Variants in CACNA2D1 observed in about 807,000 individuals in gnomAD.
The protein encoded by CACNA2D1 is calcium voltage-gated channel auxiliary subunit alpha2delta 1.
Under a neutral mutation model 171.5 loss-of-function variants are expected in CACNA2D1, and 53 were observed. The ratio of observed to expected loss-of-function variants is 0.31; its 90% CI spans 0.25 to 0.39. CACNA2D1 has a LOEUF of 0.39. Among genes scored for constraint, CACNA2D1 ranks in the 10% least tolerant of loss-of-function variants. The pLI, the probability that CACNA2D1 is intolerant of heterozygous loss-of-function variation, is 1.00. For synonymous variants in CACNA2D1, 442 were observed against 443.1 expected (o/e 1.00, Z 0.03); for missense variants, 903 against 1,299.8 (o/e 0.69, Z 4.69).
intron 5 of CACNA2D1, among the ~76,000 whole-genome samples, chr7:82,132,433 C>T (rs1048925903): frequency 8.5e-5 from 13 of 152,276 alleles, no homozygotes; most frequent in African/African-American, 3.1e-4. Context: ...TACTCCATAT[C>T]CTCTTGCAAC....
chr7:82,303,726 TA>T (rs1813345406), intron 3 of CACNA2D1, among the ~76,000 whole-genome samples: 1 of 152,030 alleles, frequency 6.6e-6, no homozygotes, highest in Non-Finnish European at 1.5e-5. Context: ...AAAGAGGGAT[TA>T]AAGATGTAAA....
chr7:82,218,879 T>A (rs1801458839), intron 3 of CACNA2D1, among the ~76,000 whole-genome samples: 1 of 152,122 alleles, frequency 6.6e-6, no homozygotes, highest in South Asian at 2.1e-4. Flanking sequence ...GTATTTTCAT[T>A]AATTTTTAAA....
chr7:82,050,194 A>C (rs1805029631), intron 10 of CACNA2D1: 1 of 183,370 alleles, frequency 5.5e-6, no homozygotes, highest in African/African-American at 2.3e-5. Flanking sequence ...CTCCATATTT[A>C]AACAACCTCC....
intron 7 of CACNA2D1, among the ~76,000 whole-genome samples, chr7:82,072,428 T>A (rs1808436106): frequency 2.0e-5 from 3 of 151,880 alleles, no homozygotes; most frequent in Admixed American, 2.0e-4. Flanking sequence ...TTTAGGAGAG[T>A]ATTATTTTGT....
chr7:81,989,085 T>G (rs1234619557), intron 21 of CACNA2D1, among the ~76,000 whole-genome samples: 2 of 152,190 alleles, frequency 1.3e-5, no homozygotes, highest in East Asian at 3.9e-4. Context: ...TGTGACTGTT[T>G]GGGAAAAGTA....
intron 18 of CACNA2D1, among the ~76,000 whole-genome samples, chr7:82,000,250 C>A (rs1434335036): frequency 6.6e-6 from 1 of 151,588 alleles, no homozygotes; most frequent in East Asian, 1.9e-4. Flanking sequence ...AGAGTGAGAC[C>A]CATCTCAGAA....
chr7:82,034,096 A>G (rs963740892), intron 11 of CACNA2D1, among the ~76,000 whole-genome samples: 2 of 152,024 alleles, frequency 1.3e-5, no homozygotes, highest in Non-Finnish European at 2.9e-5. Context: ...CAATATTGAG[A>G]TGTTATACAG....
At chr7:82,236,111 T>A (rs1803557394) in intron 3 of CACNA2D1, among the ~76,000 whole-genome samples, 1 of 141,636 alleles carries the variant, frequency 7.1e-6, no homozygotes, top group South Asian at 2.2e-4. Context: ...ACACAGCACT[T>A]CCTTGTCGAG....
intron 3 of CACNA2D1, among the ~76,000 whole-genome samples, chr7:82,312,243 T>C (rs535621136): frequency 6.6e-6 from 1 of 152,314 alleles, no homozygotes; most frequent in East Asian, 1.9e-4. Flanking sequence ...GAAATTTTTC[T>C]TGTTTGATTT....
chr7:82,057,054 G>T (rs1218195784), intron 10 of CACNA2D1, among the ~76,000 whole-genome samples: 3 of 152,090 alleles, frequency 2.0e-5, no homozygotes, highest in Non-Finnish European at 4.4e-5. Context: ...ATCTGATTTG[G>T]GGATGTTGTC....
At chr7:82,092,333 C>A (rs1286263582) in intron 6 of CACNA2D1, among the ~76,000 whole-genome samples, 1 of 151,984 alleles carries the variant, frequency 6.6e-6, no homozygotes, top group East Asian at 1.9e-4. Flanking sequence ...GCATAATTAT[C>A]TGAAGAAAAT....
chr7:82,180,261 C>A (rs546819274), intron 3 of CACNA2D1, among the ~76,000 whole-genome samples: 24 of 152,172 alleles, frequency 1.6e-4, no homozygotes, highest in Non-Finnish European at 3.5e-4. Context: ...TGGCAGACCC[C>A]TTTAGATGAC....
At chr7:82,203,601 G>A (rs1799706022) in intron 3 of CACNA2D1, among the ~76,000 whole-genome samples, 1 of 152,180 alleles carries the variant, frequency 6.6e-6, no homozygotes, top group Admixed American at 6.5e-5. Flanking sequence ...GCAGGCACAA[G>A]CCCTACGGGT....
chr7:82,079,360 C>T (rs1809403015), intron 7 of CACNA2D1, among the ~76,000 whole-genome samples: 1 of 152,056 alleles, frequency 6.6e-6, no homozygotes, highest in African/African-American at 2.4e-5. Flanking sequence ...TATATTCTGG[C>T]TATCTGATTC....
intron 4 of CACNA2D1, among the ~76,000 whole-genome samples, chr7:82,166,892 AAGTCCTTTGTT>A (rs1246790977): frequency 6.6e-6 from 1 of 152,040 alleles, no homozygotes; most frequent in Non-Finnish European, 1.5e-5. Flanking sequence ...TGAATTGCAT[AAGTCCTTTGTT>A]GTTGCCAGCA....
intron 4 of CACNA2D1, among the ~76,000 whole-genome samples, chr7:82,144,653 C>A (rs567290119): frequency 6.6e-6 from 1 of 152,056 alleles, no homozygotes; most frequent in African/African-American, 2.4e-5. Flanking sequence ...ATTTTTCTAA[C>A]ATTTCTCTAA....
intron 23 of CACNA2D1, 149 bp from the exon 24 acceptor site, chr7:81,982,776 T>C (rs756347518): frequency 1.1e-5 from 8 of 715,006 alleles, no homozygotes; most frequent in South Asian, 1.0e-4. Context: ...TATCAATGAA[T>C]ATAAATGTCC....
intron 30 of CACNA2D1, 24 bp from the exon 31 acceptor site, chr7:81,967,231 C>G (rs993781776): frequency 1.3e-6 from 2 of 1,592,866 alleles, no homozygotes; most frequent in Non-Finnish European, 1.7e-6. Context: ...ATGCGATTAT[C>G]ACCTCACTTT....
intron 29 of CACNA2D1, among the ~76,000 whole-genome samples, chr7:81,968,265 C>A (rs1405654659): frequency 2.0e-5 from 3 of 151,408 alleles, no homozygotes; most frequent in Admixed American, 6.6e-5. Context: ...CTGAATCATA[C>A]AATCAAAAAA....
Sources: gnomAD v4.1 joint callset for allele counts (sites outside exome capture counted in the v4.1 genomes callset) on GRCh38, gnomAD v4.1.1 for gene constraint, MANE v1.5 for transcripts, NCBI Gene and HGNC (gene_info 2026-07-23, HGNC 2026-07-21) for gene names.